Variants in ACSL5 observed in about 807,000 individuals in gnomAD.
ACSL5 encodes acyl-CoA synthetase long chain family member 5.
In ACSL5, 50 loss-of-function variants were observed where a neutral mutation model predicts 84.9. The ratio of observed to expected loss-of-function variants is 0.59; its 90% CI spans 0.47 to 0.75. The LOEUF (loss-of-function observed/expected upper bound fraction) is 0.75. Ranked by LOEUF, ACSL5 falls within the 30% of genes least tolerant of loss-of-function variation. The probability of loss-of-function intolerance (pLI) is 0.00; values close to 1 mark genes in which losing one functional copy is unlikely to be tolerated. For missense variants in ACSL5, 775 were observed against 830.4 expected, an observed-to-expected ratio of 0.93 and a Z score of 0.82; for synonymous variants, 280 against 300.7, an observed-to-expected ratio of 0.93 and a Z score of 0.71.
chr10:112,410,580 C>T lies in ACSL5; in HGVS notation c.745-4C>T, dbSNP rs576416287. On this transcript the variant is annotated splice_region_variant and splice_polypyrimidine_tract_variant and intron_variant, in intron 8 of 20. Coordinates refer to ENST00000354655, the MANE Select transcript of ACSL5 (RefSeq NM_203379.2). ...GGAATAAGCCCTTGTGCTTCCTCCT[C>T]CAGCCTCCTAGCCCAGAAGACCTGA... 6 of 1,614,110 alleles carry T rather than the reference C, an allele frequency of 3.7e-6. No individual in the cohort carries two copies. The African/African-American group carries it at 8.0e-5, about 22-fold the overall frequency.
chr10:112,422,551 T>C (rs1844492406), intron 17 of ACSL5, 110 bp downstream of exon 17: 1 of 1,013,014 alleles, frequency 9.9e-7, no homozygotes, highest in Non-Finnish European at 1.5e-6. Context: ...CTGAGGCAGC[T>C]GGAGGGGATT....
At chr10:112,415,070 A>G (rs1277677617) in intron 12 of ACSL5, among the ~76,000 whole-genome samples, 1 of 152,242 alleles carries the variant, frequency 6.6e-6, no homozygotes, top group Non-Finnish European at 1.5e-5. Context: ...CTACGCAATT[A>G]GTAGATTTGG....
At chr10:112,378,594 C>A (rs982566786) in intron 1 of ACSL5, among the ~76,000 whole-genome samples, 4 of 152,134 alleles carry the variant, frequency 2.6e-5, no homozygotes, top group African/African-American at 7.2e-5. Flanking sequence ...GTGTCTGCTC[C>A]TGTCTGTCTC....
intron 1 of ACSL5, among the ~76,000 whole-genome samples, chr10:112,376,935 C>T (rs1253193650): frequency 6.6e-6 from 1 of 151,944 alleles, no homozygotes; most frequent in African/African-American, 2.4e-5. Flanking sequence ...TGCCCACTCC[C>T]TGAGGGTCCT....
At chr10:112,394,386 A>C (rs1843701675) in intron 1 of ACSL5, among the ~76,000 whole-genome samples, 1 of 152,230 alleles carries the variant, frequency 6.6e-6, no homozygotes, top group Non-Finnish European at 1.5e-5. Flanking sequence ...AATGAGCAAG[A>C]CATGTCTAGC....
intron 5 of ACSL5, chr10:112,406,279 A>G (rs1167396374): frequency 1.3e-5 from 2 of 152,200 alleles, no homozygotes; most frequent in Non-Finnish European, 2.9e-5. Context: ...TGACTTGTAG[A>G]CAGCCACTTT....
At chr10:112,420,254 C>T (rs183822649) in intron 14 of ACSL5, among the ~76,000 whole-genome samples, 1 of 152,178 alleles carries the variant, frequency 6.6e-6, no homozygotes, top group Admixed American at 6.6e-5. Flanking sequence ...GCCACACCCC[C>T]CATTGCAGCA....
Position 112,409,705 on chromosome 10 carries a change from C to T in ACSL5, c.711+20C>T. 1 of 1,611,198 alleles carries T rather than the reference C, an allele frequency of 6.2e-7. No individual in the cohort carries two copies. The highest frequency in any genetic ancestry group is 8.5e-7 in the Non-Finnish European group (1 of 1,177,750). On this transcript the variant is annotated intron_variant, in intron 7 of 20. Transcript: ENST00000354655. ...GCTGAGGTATGGATCTGAAATTTAG[C>T]TTGCAGCTCCAATGCTTGTCCAACA...
In ACSL5 at chr10:112,417,873, A is replaced by T. The variant is rs372403695; in HGVS notation, c.1246A>T (p.Ile416Phe). 1.2e-6 allele frequency: 2 copies of T among 1,614,000 alleles called. No individual in the cohort carries two copies. The highest frequency in any genetic ancestry group is 8.5e-7 in the Non-Finnish European group (1 of 1,179,962). ...QDSLGGRVRV[I>F]VTGAAPMSTS... ...CAGCCTGGGCGGAAGGGTTCGTGTA[A>T]TTGTCACTGGAGCTGCCCCCATGTC... Residue 416 changes from isoleucine (I) to phenylalanine (F), a missense_variant, in exon 14 of 21, where the codon ATT becomes TTT. By Grantham distance (21) the Ile-to-Phe change is conservative (BLOSUM62 0). Transcript: ENST00000354655.
intron 3 of ACSL5, among the ~76,000 whole-genome samples, chr10:112,403,309 C>T (rs1313918523): frequency 6.6e-6 from 1 of 152,210 alleles, no homozygotes; most frequent in East Asian, 1.9e-4. Flanking sequence ...TGTTTTGAGA[C>T]TGAGTTTTGC....
rs1218670762 is a variant in ACSL5 at position 112,411,780 on chromosome 10, A to G, written c.871-122A>G. ...AGTTCAAGGCATCTCAGATCTACAC[A>G]GTGTACCGCCTATACAGCTGTCTGT... On this transcript the variant is annotated intron_variant, in intron 10 of 20. Coordinates refer to ENST00000354655, the MANE Select transcript of ACSL5 (RefSeq NM_203379.2). The G allele has an allele frequency of 1.3e-5, 12 of 954,832 alleles. No homozygotes were observed. The Admixed American group carries it at 2.3e-4, about 18-fold the overall frequency. The allele number at this position is 954,832 out of a possible 1,614,324, so 59.1% of individuals were successfully genotyped here. A position where few individuals can be genotyped will look rare whatever the true frequency, so the allele number is the denominator to read the frequency against.
At chr10:112,389,539 C>A (rs1484634076) in intron 1 of ACSL5, among the ~76,000 whole-genome samples, 3 of 152,104 alleles carry the variant, frequency 2.0e-5, no homozygotes, top group Non-Finnish European at 2.9e-5. Flanking sequence ...GCCCTCTTTC[C>A]TCTTTTCTTT....
At chr10:112,398,436 A>C (rs1483021052) in intron 2 of ACSL5, among the ~76,000 whole-genome samples, 2 of 147,750 alleles carry the variant, frequency 1.4e-5, no homozygotes, top group Non-Finnish European at 1.5e-5. Flanking sequence ...ACGGAGTCTC[A>C]CTCCGTTGCC....
intron 2 of ACSL5, 53 bp from the exon 3 acceptor site, chr10:112,398,848 G>T (rs1412547174): frequency 2.7e-6 from 4 of 1,469,996 alleles, no homozygotes; most frequent in Non-Finnish European, 1.9e-6. Context: ...TAAAGGTTTT[G>T]GAAAGAGTGA....
At chr10:112,408,774 A>C (rs1390836373) in intron 6 of ACSL5, 1 of 418,210 alleles carries the variant, frequency 2.4e-6, no homozygotes, top group Admixed American at 3.6e-5. Flanking sequence ...GTATGATGAT[A>C]TAGAGACAAG....
Position 112,409,514 on chromosome 10 carries a change from C to A in ACSL5, c.540C>A (p.Ile180=), listed in dbSNP as rs147933269. The A allele has an allele frequency of 3.1e-6, 5 of 1,613,056 alleles. No homozygotes were observed. The highest frequency in any genetic ancestry group is 4.2e-6 in the Non-Finnish European group (5 of 1,179,862). Residue 180 remains isoleucine (I), a synonymous_variant, in exon 7 of 21, where the codon ATC becomes ATA. Transcript: ENST00000354655. The part of the protein sequence containing the change: ...AIVHIVNKAD[I]AMVICDTPQK... Reference sequence around the variant, plus strand: ...TTCTATTTTGGCTTCCAGCTGATATCGCCATGGTGATCTGTGACACACCCC... The same window carrying A: ...TTCTATTTTGGCTTCCAGCTGATATAGCCATGGTGATCTGTGACACACCCC...
intron 3 of ACSL5, among the ~76,000 whole-genome samples, chr10:112,401,211 A>G (rs1843880311): frequency 1.3e-5 from 2 of 152,126 alleles, no homozygotes; most frequent in South Asian, 2.1e-4. Flanking sequence ...GGGACACTCC[A>G]TCTCAAAAAA....
Position 112,416,917 on chromosome 10 carries a change from G to A in ACSL5, c.1113G>A (p.Lys371=). The change falls in exon 13 of 21, where the codon AAG becomes AAA. Residue 371 remains lysine (K), a synonymous_variant. Coordinates refer to ENST00000354655, the MANE Select transcript of ACSL5 (RefSeq NM_203379.2). ...AAAATGAGGCCAAGACACCCTTGAAGAAGTTCTTGTTGAAGCTGGCTGTTT... is the reference window on the plus strand; with the variant it reads ...AAAATGAGGCCAAGACACCCTTGAAAAAGTTCTTGTTGAAGCTGGCTGTTT... ...KVQNEAKTPL[K]KFLLKLAVSS... 6.2e-7 allele frequency: 1 copy of A among 1,614,140 alleles called. No individual in the cohort carries two copies. The highest frequency in any genetic ancestry group is 8.5e-7 in the Non-Finnish European group (1 of 1,180,014).
rs764194207 is a variant in ACSL5, at chr10:112,421,939, T to C, written c.1388-8T>C. The C allele has an allele frequency of 1.9e-6, 3 of 1,613,916 alleles. No homozygotes were observed. The highest frequency in any genetic ancestry group is 1.7e-6 in the Non-Finnish European group (2 of 1,179,776). The stretch of plus-strand genomic sequence containing the variant: ...GTTTCTCAGCTAATTCAGCACGGTA[T>C]GTTCTAGGTCACGTTGGGGTGCCCC... On this transcript the variant is annotated splice_polypyrimidine_tract_variant and splice_region_variant and intron_variant, in intron 15 of 20. Coordinates refer to ENST00000354655, the MANE Select transcript of ACSL5 (RefSeq NM_203379.2).
Sources: allele counts gnomAD v4.1 joint callset (sites outside exome capture counted in the v4.1 genomes callset), GRCh38; gene constraint gnomAD v4.1.1; transcripts MANE v1.5; gene names NCBI Gene and HGNC (gene_info 2026-07-23, HGNC 2026-07-21).